The following TICAM1 variants were observed in gnomAD, a reference collection of about 807,000 sequenced individuals.
TICAM1 encodes the protein TIR domain-containing adapter molecule 1.
For missense variants in TICAM1, 895 were observed against 938.2 expected (o/e 0.95, Z 0.60); for synonymous variants, 439 against 415.4 (o/e 1.06, Z -0.69).
intron 1 of TICAM1, among the ~76,000 whole-genome samples, chr19:4,827,442 G>A (rs1437326260): frequency 3.6e-5 from 5 of 139,660 alleles, no homozygotes; most frequent in South Asian, 2.3e-4. Context: ...TCTGTTGTAA[G>A]CTCTACATAA....
chr19:4,816,364 G>C lies in TICAM1; in HGVS notation c.2014C>G (p.Gln672Glu). ...ATGAGGGGTTGCAGCCCTGGGCTCT[G>C]AGGGGGTGCGGGTGAGGCCGTAGGG... Reference protein sequence around the residue: ...AFPTASPAPPQSPGLQPLIIH... With the variant: ...AFPTASPAPPESPGLQPLIIH... Residue 672 changes from glutamine to glutamate, a missense_variant, in exon 2 of 2, where the codon CAG becomes GAG. By Grantham distance (29) the Gln-to-Glu change is conservative. Coordinates refer to ENST00000248244, the MANE Select transcript of TICAM1 (RefSeq NM_182919.4). The surrounding 1 kb of genome is among the most constrained non-coding windows in gnomAD (Gnocchi z 4.3). 2 of 1,589,358 alleles carry C rather than the reference G, an allele frequency of 1.3e-6. No homozygotes were observed. The highest frequency in any genetic ancestry group is 1.7e-6 in the Non-Finnish European group (2 of 1,168,590).
At chr19:4,824,807 C>T (rs2093603137) in intron 1 of TICAM1, among the ~76,000 whole-genome samples, 1 of 151,988 alleles carries the variant, frequency 6.6e-6, no homozygotes, top group South Asian at 2.1e-4. Flanking sequence ...GTGGCGGGTG[C>T]CTGTAGTCCC....
intron 1 of TICAM1, among the ~76,000 whole-genome samples, chr19:4,828,108 CTTTTTTGT>C (rs2146181845): frequency 6.7e-6 from 1 of 149,688 alleles, no homozygotes; most frequent in East Asian, 1.9e-4. Flanking sequence ...AATTCACACT[CTTTTTTGT>C]TTTTTTTATT....
chr19:4,816,945 G>T lies in TICAM1; in HGVS notation c.1433C>A (p.Thr478Lys). The T allele has an allele frequency of 1.2e-6, 2 of 1,614,024 alleles. No homozygotes were observed. Among genetic ancestry groups the T allele is most frequent in the Non-Finnish European group, 1.7e-6 (2 of 1,180,040 alleles). ...GACACAGTCTGGCGACCCCTGTCGC[G>T]TGAGGTTGCTCATCATGGCTTGGTT... ...QVNQAMMSNL[T>K]RQGSPDCVIP... The change falls in exon 2 of 2, where the codon ACG (threonine) becomes AAG (lysine). Residue 478 changes from threonine to lysine, a missense_variant. Transcript: ENST00000248244. This position sits in a 1 kb window ranked among gnomAD's most constrained non-coding sequence, Gnocchi z 4.3.
Position 4,818,167 on chromosome 19 carries a change from G to T in TICAM1, c.211C>A (p.Arg71=). 3 of 1,609,316 alleles carry T rather than the reference G, an allele frequency of 1.9e-6. No individual in the cohort carries two copies. The change falls in exon 2 of 2, where the codon CGG becomes AGG. Residue 71 remains arginine, a synonymous_variant. Transcript: ENST00000248244. The surrounding 1 kb of genome is among the most constrained non-coding windows in gnomAD (Gnocchi z 4.0). ...CCAGCCCACTGGCGGGCCACCAGCC[G>T]GGCCACCGCATCGGCCTTCAATGCC... ...LEALKADAVA[R]LVARQWAGVD... is the part of the protein sequence containing the mutation.
intron 1 of TICAM1, among the ~76,000 whole-genome samples, chr19:4,821,089 G>A (rs2093596679): frequency 6.6e-6 from 1 of 151,152 alleles, no homozygotes; most frequent in South Asian, 2.1e-4. Context: ...CCAGCTACTT[G>A]GGAGGCTGAG....
chr19:4,819,260 T>C (rs10402063), intron 1 of TICAM1, among the ~76,000 whole-genome samples: 108,595 of 150,208 alleles, frequency 0.72, 40,490 homozygotes, highest in African/African-American at 0.93. Flanking sequence ...GGCAACAGAG[T>C]GAGACCCAGT....
Position 4,816,144 on chromosome 19 carries a change from CCACAGGG to C in TICAM1, c.*88_*94del, listed in dbSNP as rs374473659. On this transcript the variant is annotated 3_prime_UTR_variant, in exon 2 of 2. Transcript: ENST00000248244. The surrounding 1 kb of genome is among the most constrained non-coding windows in gnomAD (Gnocchi z 4.3). ...GGCAGATGACCTCATCTTCCACTGT[CCACAGGG>C]CACAGGGCAGACCGGGGTGCTCTAT... The C allele has an allele frequency of 3.6e-6, 5 of 1,391,968 alleles. No homozygotes were observed. Among genetic ancestry groups the C allele is most frequent in the African/African-American group, 1.5e-5 (1 of 68,882 alleles). The allele number at this position is 1,391,968 out of a possible 1,614,324, so 86.2% of individuals were successfully genotyped here.
At chr19:4,831,181 C>G (rs1181226952) in intron 1 of TICAM1, among the ~76,000 whole-genome samples, 2 of 150,984 alleles carry the variant, frequency 1.3e-5, no homozygotes, top group Non-Finnish European at 3.0e-5. Context: ...AGGGAGGGAC[C>G]TTGGGTGTCA....
At chr19:4,830,728 T>A (rs766611859) in intron 1 of TICAM1, among the ~76,000 whole-genome samples, 1 of 152,190 alleles carries the variant, frequency 6.6e-6, no homozygotes, top group Non-Finnish European at 1.5e-5. Flanking sequence ...CCGGGGGCTG[T>A]GTGGCTCTGA....
intron 1 of TICAM1, among the ~76,000 whole-genome samples, chr19:4,830,087 C>CT (rs889964816): frequency 1.6e-4 from 3 of 18,746 alleles, no homozygotes; most frequent in Admixed American, 1.5e-3. Flanking sequence ...ACCTGCCCAG[C>CT]CCCATTTCAT....
chr19:4,827,034 G>T (rs1367513793), intron 1 of TICAM1, among the ~76,000 whole-genome samples: 1 of 150,960 alleles, frequency 6.6e-6, no homozygotes, highest in Non-Finnish European at 1.5e-5. Flanking sequence ...ATAAAATAAT[G>T]CAGGCACAAT....
intron 1 of TICAM1, among the ~76,000 whole-genome samples, chr19:4,824,357 C>CA (rs2093602525): frequency 8.4e-6 from 1 of 119,224 alleles, no homozygotes; most frequent in Admixed American, 1.0e-4. Context: ...TTTTTGGAGA[C>CA]AGAGTCTCGC....
At chr19:4,822,439 C>T (rs539260066) in intron 1 of TICAM1, among the ~76,000 whole-genome samples, 2 of 152,234 alleles carry the variant, frequency 1.3e-5, no homozygotes, top group African/African-American at 4.8e-5. Context: ...GACGGGGTTT[C>T]ACCATATTGG....
intron 1 of TICAM1, among the ~76,000 whole-genome samples, chr19:4,825,116 C>T (rs971453457): frequency 6.6e-6 from 1 of 151,658 alleles, no homozygotes; most frequent in East Asian, 2.0e-4. Context: ...CCCGTTTCTA[C>T]TAAAATACAA....
At chr19:4,824,012 ATT>A (rs61442523) in intron 1 of TICAM1, among the ~76,000 whole-genome samples, 94 of 147,680 alleles carry the variant, frequency 6.4e-4, no homozygotes, top group South Asian at 1.7e-3. Context: ...CTGAATTTTA[ATT>A]TTTTTTTTTT....
At position 4,817,440 on chromosome 19, in the gene TICAM1, G is replaced by T; in HGVS notation, c.938C>A (p.Ser313Tyr). ...CGGCTCCAGAATAGGCAAGGGGAGA[G>T]ACTGGGGGCCTGCAGACCCCTCGGT... ...ECTEGSAGPQ[S>Y]LPLPILEPVK... The change falls in exon 2 of 2, where the codon TCT becomes TAT. Residue 313 changes from serine to tyrosine, a missense_variant. By Grantham distance (144) the Ser-to-Tyr change is moderately radical. Coordinates refer to ENST00000248244, the MANE Select transcript of TICAM1 (RefSeq NM_182919.4). The surrounding 1 kb of genome is among the most constrained non-coding windows in gnomAD (Gnocchi z 4.7). 6.2e-7 allele frequency: 1 copy of T among 1,614,118 alleles called. No individual in the cohort carries two copies. Among genetic ancestry groups the T allele is most frequent in the Non-Finnish European group, 8.5e-7 (1 of 1,180,026 alleles).
intron 1 of TICAM1, among the ~76,000 whole-genome samples, chr19:4,831,249 C>T (rs1017242926): frequency 4.3e-5 from 6 of 140,380 alleles, no homozygotes; most frequent in African/African-American, 1.4e-4. Flanking sequence ...GCTTGGGTGT[C>T]AGGAATTTGG....
chr19:4,817,235 C>G lies in TICAM1; in HGVS notation c.1143G>C (p.Leu381=). ...PCSAHLTPSS[L]FPSSLESSSE... ...ATGATGATTCCAGGGAGGAAGGGAA[C>G]AGGGAGGAGGGGGTCAGGTGAGCTG... The change falls in exon 2 of 2, where the codon CTG becomes CTC. Residue 381 remains leucine, a synonymous_variant. Transcript: ENST00000248244. The surrounding 1 kb of genome is among the most constrained non-coding windows in gnomAD (Gnocchi z 4.7). The G allele has an allele frequency of 6.2e-7, 1 of 1,608,318 alleles. No homozygotes were observed. The highest frequency in any genetic ancestry group is 8.5e-7 in the Non-Finnish European group (1 of 1,179,044).
Sources: allele counts gnomAD v4.1 joint callset (sites outside exome capture counted in the v4.1 genomes callset), GRCh38; gene constraint gnomAD v4.1.1; non-coding constraint Gnocchi (gnomAD v3.1); transcripts MANE v1.5; gene names NCBI Gene and HGNC (gene_info 2026-07-23, HGNC 2026-07-21).